Variants in MOB3C observed in about 807,000 individuals in gnomAD.
The protein encoded by MOB3C is MOB1, Mps One Binder kinase activator-like 2C.
MOB3C carries 17 observed loss-of-function variants against 19.8 expected under a neutral mutation model. The ratio of observed to expected loss-of-function variants is 0.86; its 90% CI spans 0.59 to 1.29. The LOEUF is 1.29. Among genes scored for constraint, MOB3C ranks in the 50% most tolerant of loss-of-function variants. The pLI, the probability that MOB3C is intolerant of heterozygous loss-of-function variation, is 0.00. For synonymous variants in MOB3C, 101 were observed against 119.2 expected, an observed-to-expected ratio of 0.85 and a Z score of 0.99; for missense variants, 291 against 301.9, an observed-to-expected ratio of 0.96 and a Z score of 0.27.
At position 46,609,992 on chromosome 1, in the gene MOB3C, T is replaced by G; in HGVS notation, c.621+10A>C. 6.2e-7 allele frequency: 1 copy of G among 1,614,092 alleles called. No individual in the cohort carries two copies. The highest frequency in any genetic ancestry group is 1.1e-5 in the South Asian group (1 of 91,080). On this transcript the variant is annotated intron_variant, in intron 3 of 3. Transcript: ENST00000319928. ...CCTTGGTAGGGGAGGGTGGTAGGGC[T>G]TGGCCTCACCAGTGGCTCCAGCTCC...
chr1:46,613,200 C>G lies in MOB3C; in HGVS notation c.122G>C (p.Gly41Ala). ...CCTCACCACACTGCGCAGGTCCAGG[C>G]CCGACTTGAGAGAGGCCTGTGCCTT... Reference protein sequence around the residue: ...YKKAQASLKSGLDLRSVVRLP... With the variant: ...YKKAQASLKSALDLRSVVRLP... Residue 41 changes from glycine (G) to alanine (A), a missense_variant, in exon 2 of 4, where the codon GGC becomes GCC. Transcript: ENST00000319928. 1 of 1,614,244 alleles carries G rather than the reference C, an allele frequency of 6.2e-7. No homozygotes were observed. Among genetic ancestry groups the G allele is most frequent in the Non-Finnish European group, 8.5e-7 (1 of 1,180,042 alleles).
intron 2 of MOB3C, among the ~76,000 whole-genome samples, chr1:46,612,497 C>A (rs573987566): frequency 8.6e-5 from 13 of 152,034 alleles, no homozygotes; most frequent in African/African-American, 3.1e-4. Flanking sequence ...AACCCTGTCT[C>A]TACTAAAAAT....
At position 46,609,172 on chromosome 1, in the gene MOB3C, C is replaced by A. The variant is rs878981258; in HGVS notation, c.*483G>T. 4.6e-6 allele frequency: 1 copy of A among 216,806 alleles called. No individual in the cohort carries two copies. The highest frequency in any genetic ancestry group is 5.2e-5 in the Admixed American group (1 of 19,098). The allele number at this position is 216,806 out of a possible 1,614,324, so 13.4% of individuals were successfully genotyped here. On this transcript the variant is annotated 3_prime_UTR_variant, in exon 4 of 4. Transcript: ENST00000319928. ...CCATCCATCCAACATTTATGGAAGG[C>A]CTACTATGTGCCAAGGAGGGGTAAG...
intron 3 of MOB3C, 151 bp from the exon 4 acceptor site, chr1:46,609,835 C>A: frequency 7.6e-7 from 1 of 1,314,396 alleles, no homozygotes; most frequent in South Asian, 1.4e-5. Context: ...GTTTGTAAAC[C>A]AACACTTGAA....
intron 1 of MOB3C, 129 bp from the exon 2 acceptor site, chr1:46,613,500 T>A: frequency 1.1e-6 from 1 of 913,428 alleles, no homozygotes; most frequent in Non-Finnish European, 1.6e-6. Context: ...GCCTGGAATC[T>A]AAGTCCTCAG....
chr1:46,612,234 A>G (rs1675481305), intron 2 of MOB3C, among the ~76,000 whole-genome samples: 1 of 152,158 alleles, frequency 6.6e-6, no homozygotes, highest in Non-Finnish European at 1.5e-5. Flanking sequence ...TGATACCACC[A>G]GGGCCCACCC....
chr1:46,612,671 AAAG>A (rs1157453930), intron 2 of MOB3C, among the ~76,000 whole-genome samples: 1,292 of 109,472 alleles, frequency 0.012, 18 homozygotes, highest in African/African-American at 0.034. Context: ...AAAAAAAAAA[AAAG>A]AAAGAAAGAA....
Position 46,613,165 on chromosome 1 carries a change from CG to C in MOB3C, c.156del (p.Glu54ArgfsTer102). The C allele has an allele frequency of 1.2e-6, 2 of 1,614,264 alleles. No individual in the cohort carries two copies. The highest frequency in any genetic ancestry group is 1.7e-6 in the Non-Finnish European group (2 of 1,180,042). On this transcript the variant is annotated frameshift_variant, in exon 2 of 4. Transcript: ENST00000319928. LOFTEE classifies it high-confidence loss of function. Reference protein sequence around the residue: ...LDLRSVVRLPPGENIDDWIAV... With the variant: ...LDLRSVVRLPXGENIDDWIAV... ...GCGATCCAGTCGTCGATGTTCTCCC[CG>C]GGTGGTAGCCTCACCACACTGCGCA...
chr1:46,613,435 C>T, intron 1 of MOB3C, 64 bp from the exon 2 acceptor site: 1 of 1,404,338 alleles, frequency 7.1e-7, no homozygotes. Flanking sequence ...CTCTGACTTC[C>T]CAATTCATCA....
intron 2 of MOB3C, among the ~76,000 whole-genome samples, chr1:46,612,293 C>T (rs1036594078): frequency 1.3e-5 from 2 of 152,184 alleles, no homozygotes; most frequent in South Asian, 4.1e-4. Context: ...GAGGGAACCC[C>T]GGGAGGCTGG....
rs1373201213 is a variant in MOB3C at position 46,609,052 on chromosome 1, G to A, written c.*603C>T. The A allele has an allele frequency of 1.3e-5, 2 of 158,864 alleles. No individual in the cohort carries two copies. Among genetic ancestry groups the A allele is most frequent in the Admixed American group, 6.0e-5 (1 of 16,770 alleles). 9.8% of individuals were successfully genotyped at this position (158,864 alleles called of 1,614,324 possible). On this transcript the variant is annotated 3_prime_UTR_variant, in exon 4 of 4. Coordinates refer to ENST00000319928, the MANE Select transcript of MOB3C (RefSeq NM_201403.3). ...CACATTTTTGTGCACTTACACACAT[G>A]GTCAGATACACTGAGTGGGGACGCT... is the stretch of plus-strand genomic sequence containing the variant.
rs1675394891 is a variant in MOB3C at position 46,607,982 on chromosome 1, T to C, written c.*1673A>G. 1 of 152,178 alleles carries C rather than the reference T, an allele frequency of 6.6e-6. No individual in the cohort carries two copies. The highest frequency in any genetic ancestry group is 1.5e-5 in the Non-Finnish European group (1 of 68,056). 9.4% of individuals were successfully genotyped at this position (152,178 alleles called of 1,614,324 possible). ...TGGCTGGGCCCAAGAGCTCCATCTG[T>C]TTCCCCAAAGTACAGGCAGCTTCTA... On this transcript the variant is annotated 3_prime_UTR_variant, in exon 4 of 4. Coordinates refer to ENST00000319928, the MANE Select transcript of MOB3C (RefSeq NM_201403.3).
chr1:46,608,176 T>C lies in MOB3C; in HGVS notation c.*1479A>G, dbSNP rs1056649444. The C allele has an allele frequency of 1.0e-4, 16 of 152,422 alleles. No homozygotes were observed. Among genetic ancestry groups the C allele is most frequent in the African/African-American group, 3.4e-4 (14 of 41,592 alleles). The allele number at this position is 152,422 out of a possible 1,614,324, so 9.4% of individuals were successfully genotyped here. A position where few individuals can be genotyped will look rare whatever the true frequency, so the allele number is the denominator to read the frequency against. On this transcript the variant is annotated 3_prime_UTR_variant, in exon 4 of 4. Coordinates refer to ENST00000319928, the MANE Select transcript of MOB3C (RefSeq NM_201403.3). The surrounding 1 kb of genome is among the most constrained non-coding windows in gnomAD (Gnocchi z 4.5). Reference sequence around the variant, plus strand: ...CCCTCTTTCCATGTGTATCTCTATGTAGCAATTGATGGGCCCTGCGGTCAG... The same window carrying C: ...CCCTCTTTCCATGTGTATCTCTATGCAGCAATTGATGGGCCCTGCGGTCAG...
intron 2 of MOB3C, among the ~76,000 whole-genome samples, chr1:46,610,787 T>C (rs1283842121): frequency 1.3e-5 from 2 of 152,226 alleles, no homozygotes; most frequent in Non-Finnish European, 2.9e-5. Flanking sequence ...CTTTGCAAAC[T>C]TGTGGGGGTC....
At chr1:46,613,605 C>T (rs1319845421) in intron 1 of MOB3C, 2 of 561,430 alleles carry the variant, frequency 3.6e-6, no homozygotes, top group Non-Finnish European at 6.3e-6. Context: ...CTCTTTTCTG[C>T]TTTCATTGCA....
At chr1:46,614,852 G>A (rs1362077424) in intron 1 of MOB3C, 18 of 697,378 alleles carry the variant, frequency 2.6e-5, no homozygotes, top group Admixed American at 2.5e-4. Flanking sequence ...TTGAGACAAA[G>A]GTCCTTCCTT....
chr1:46,613,305 T>C lies in MOB3C; in HGVS notation c.17A>G (p.Lys6Arg). 6.2e-7 allele frequency: 1 copy of C among 1,606,156 alleles called. No individual in the cohort carries two copies. The highest frequency in any genetic ancestry group is 8.5e-7 in the Non-Finnish European group (1 of 1,179,996). MALCL[K>R]QVFAKDKTFR... is the part of the protein sequence containing the mutation. ...CGTCTTGTCCTTGGCGAACACCTGC[T>C]TCAGGCACAGGGCCATGGCCAGCTG... Residue 6 changes from lysine to arginine, a missense_variant, in exon 2 of 4, where the codon AAG becomes AGG. Coordinates refer to ENST00000319928, the MANE Select transcript of MOB3C (RefSeq NM_201403.3).
chr1:46,614,895 T>A, intron 1 of MOB3C: 2 of 1,150,986 alleles, frequency 1.7e-6, no homozygotes, highest in Non-Finnish European at 2.6e-6. Context: ...ATGGGGGCAG[T>A]CTGGTAAAAT....
At chr1:46,612,713 A>G (rs139225036) in intron 2 of MOB3C, among the ~76,000 whole-genome samples, 191 bp downstream of exon 2, 304 of 152,196 alleles carry the variant, frequency 2.0e-3, no homozygotes, top group Non-Finnish European at 2.9e-3. Context: ...AAAGCCCCAA[A>G]TTGGGAGTCA....
Sources: gnomAD v4.1 joint callset for allele counts (sites outside exome capture counted in the v4.1 genomes callset) on GRCh38, gnomAD v4.1.1 for gene constraint, Gnocchi (gnomAD v3.1) non-coding constraint, MANE v1.5 for transcripts, NCBI Gene and HGNC (gene_info 2026-07-23, HGNC 2026-07-21) for gene names.